The following PROK1 variants were observed in gnomAD, a reference collection of about 807,000 sequenced individuals.
PROK1 encodes prokineticin 1.
In PROK1, 10 loss-of-function variants were observed where a neutral mutation model predicts 8.8. The ratio of observed to expected loss-of-function variants is 1.13; its 90% CI spans 0.70 to 1.92. The LOEUF is 1.92. Among genes scored for constraint, PROK1 ranks in the 30% most tolerant of loss-of-function variants. The pLI, the probability that PROK1 is intolerant of heterozygous loss-of-function variation, is 0.00. For missense variants in PROK1, 140 were observed against 139.7 expected, an observed-to-expected ratio of 1.00 and a Z score of -0.01; for synonymous variants, 57 against 56.0, an observed-to-expected ratio of 1.02 and a Z score of -0.08.
Position 110,457,164 on chromosome 1 carries a change from C to T in PROK1, c.*813C>T, listed in dbSNP as rs1664185966. 1 of 152,664 alleles carries T rather than the reference C, an allele frequency of 6.6e-6. No individual in the cohort carries two copies. The allele number at this position is 152,664 out of a possible 1,614,324, so 9.5% of individuals were successfully genotyped here. On this transcript the variant is annotated 3_prime_UTR_variant, in exon 3 of 3. Transcript: ENST00000271331. ...ATATTAGAAGGCAATTAGGGTGTTT[C>T]CTTAAACAACTCCTTTCCAAGGATC...
At position 110,451,224 on chromosome 1, in the gene PROK1, G is replaced by C; in HGVS notation, c.8G>C (p.Gly3Ala). Residue 3 changes from glycine to alanine, a missense_variant, in exon 1 of 3, where the codon GGT (glycine) becomes GCT (alanine). Coordinates refer to ENST00000271331, the MANE Select transcript of PROK1 (RefSeq NM_032414.3). MR[G>A]ATRVSIMLLL... ...CCTTCACCCCAAGTGACCATGAGAGGTGCCACGCGAGTCTCAATCATGCTC... is the reference window on the plus strand; with the variant it reads ...CCTTCACCCCAAGTGACCATGAGAGCTGCCACGCGAGTCTCAATCATGCTC... 1 of 1,614,146 alleles carries C rather than the reference G, an allele frequency of 6.2e-7. No individual in the cohort carries two copies.
intron 2 of PROK1, among the ~76,000 whole-genome samples, chr1:110,455,152 T>G (rs530147735): frequency 1.3e-5 from 2 of 152,210 alleles, no homozygotes; most frequent in African/African-American, 2.4e-5. Flanking sequence ...TAGTCTGACA[T>G]TGACATATTA....
At chr1:110,452,522 C>G (rs1258422305) in intron 1 of PROK1, among the ~76,000 whole-genome samples, 2 of 152,244 alleles carry the variant, frequency 1.3e-5, no homozygotes, top group Non-Finnish European at 1.5e-5. Context: ...CTTGCCTCAC[C>G]ACCCGTGCCA....
At chr1:110,452,095 G>T (rs894225545) in intron 1 of PROK1, among the ~76,000 whole-genome samples, 1 of 152,216 alleles carries the variant, frequency 6.6e-6, no homozygotes, top group South Asian at 2.1e-4. Flanking sequence ...CTGTACCTGA[G>T]AGCTTTCCAT....
At chr1:110,454,909 A>C (rs1664147703) in intron 2 of PROK1, among the ~76,000 whole-genome samples, 1 of 152,190 alleles carries the variant, frequency 6.6e-6, no homozygotes, top group African/African-American at 2.4e-5. Context: ...GCCTACAGTG[A>C]GGCAAGTGAG....
chr1:110,454,671 G>A (rs1006713980), intron 2 of PROK1, among the ~76,000 whole-genome samples: 19 of 152,218 alleles, frequency 1.2e-4, no homozygotes, highest in Non-Finnish European at 2.5e-4. Context: ...TGTTAAACAA[G>A]CTGGGCATTC....
chr1:110,453,971 G>T lies in PROK1; in HGVS notation c.83G>T (p.Arg28Leu). 1 of 1,614,234 alleles carries T rather than the reference G, an allele frequency of 6.2e-7. No individual in the cohort carries two copies. The highest frequency in any genetic ancestry group is 1.3e-5 in the African/African-American group (1 of 75,072). ...CTCTCCCTCCTACAGGCCTGTGAGC[G>T]GGATGTCCAGTGTGGGGCAGGCACC... ...DCAVITGACE[R>L]DVQCGAGTCC... Residue 28 changes from arginine to leucine, a missense_variant, in exon 2 of 3, where the codon CGG becomes CTG. By Grantham distance (102) the Arg-to-Leu change is moderately radical (BLOSUM62 -2). Transcript: ENST00000271331.
intron 2 of PROK1, among the ~76,000 whole-genome samples, chr1:110,455,689 G>A (rs1367804869): frequency 1.3e-5 from 2 of 152,214 alleles, no homozygotes; most frequent in Non-Finnish European, 2.9e-5. Context: ...GGCACAGAGA[G>A]GCCAAATGAT....
rs759160619 is a variant in PROK1 at position 110,454,091 on chromosome 1, T to C, written c.198+5T>C. ...TGCCACCCCGGCAGCCACAAGGTAC[T>C]CTGCAGACACTGCATAGGTGCACAT... is the stretch of plus-strand genomic sequence containing the variant. On this transcript the variant is annotated splice_donor_5th_base_variant and intron_variant, in intron 2 of 2. Transcript: ENST00000271331. The C allele has an allele frequency of 1.3e-5, 21 of 1,613,256 alleles. No individual in the cohort carries two copies. In the South Asian group the frequency reaches 2.0e-4, roughly 15 times the overall value.
Position 110,456,654 on chromosome 1 carries a change from TC to T in PROK1, c.*307del. On this transcript the variant is annotated 3_prime_UTR_variant, in exon 3 of 3. Coordinates refer to ENST00000271331, the MANE Select transcript of PROK1 (RefSeq NM_032414.3). ...GGCAGAAAGGACATTCCCCCTCCCC[TC>T]CCCAGGTGACCTGCTCTCTTTCCTG... 2.4e-6 allele frequency: 1 copy of T among 414,638 alleles called. No individual in the cohort carries two copies. The highest frequency in any genetic ancestry group is 4.6e-6 in the Non-Finnish European group (1 of 219,416). 25.7% of individuals were successfully genotyped at this position (414,638 alleles called of 1,614,324 possible).
intron 1 of PROK1, among the ~76,000 whole-genome samples, chr1:110,451,692 T>C (rs1003010829): frequency 6.2e-4 from 94 of 152,226 alleles, no homozygotes; most frequent in Admixed American, 3.1e-3. Context: ...ATATTAATAT[T>C]AATTTACATA....
chr1:110,451,390 C>T (rs1664088006), intron 1 of PROK1, 102 bp downstream of exon 1: 4 of 996,686 alleles, frequency 4.0e-6, no homozygotes, highest in Non-Finnish European at 4.8e-6. Context: ...GTTGGCTCAA[C>T]ACAGTGTGAA....
chr1:110,451,794 A>C (rs967585289), intron 1 of PROK1, among the ~76,000 whole-genome samples: 3 of 152,188 alleles, frequency 2.0e-5, no homozygotes, highest in Admixed American at 6.5e-5. Flanking sequence ...CTTAGAAAGG[A>C]TATCTTTGAA....
At chr1:110,451,333 T>G (rs977156984) in intron 1 of PROK1, 45 bp downstream of exon 1, 3 of 1,562,058 alleles carry the variant, frequency 1.9e-6, no homozygotes, top group African/African-American at 2.7e-5. Context: ...TGGGAAGATG[T>G]CAGGGTCTGC....
At chr1:110,452,621 CA>C (rs1448868537) in intron 1 of PROK1, among the ~76,000 whole-genome samples, 1 of 152,180 alleles carries the variant, frequency 6.6e-6, no homozygotes, top group African/African-American at 2.4e-5. Flanking sequence ...CAATAGAGAG[CA>C]CTTTTCCCTA....
intron 2 of PROK1, 131 bp downstream of exon 2, chr1:110,454,217 CTGTGG>C: frequency 8.0e-7 from 1 of 1,246,834 alleles, no homozygotes; most frequent in Non-Finnish European, 1.1e-6. Flanking sequence ...TCTAGGGAGG[CTGTGG>C]CTCCAGAGGA....
chr1:110,455,811 A>G (rs1436130342), intron 2 of PROK1, among the ~76,000 whole-genome samples: 1 of 151,770 alleles, frequency 6.6e-6, no homozygotes, highest in African/African-American at 2.4e-5. Context: ...TTGGTTTAGC[A>G]CTCCTCTAGG....
chr1:110,451,157 G>A lies in PROK1; in HGVS notation c.-60G>A. ...TCCCCAGCTTGCCAGGCACAAGGCT[G>A]AGCGGGAGGAAGCGAGAGGCATCTA... On this transcript the variant is annotated 5_prime_UTR_variant, in exon 1 of 3. Transcript: ENST00000271331. The A allele has an allele frequency of 6.5e-7, 1 of 1,534,592 alleles. No individual in the cohort carries two copies. The highest frequency in any genetic ancestry group is 1.4e-5 in the African/African-American group (1 of 73,336).
rs1253340860 is a variant in PROK1, at chr1:110,456,791, C to T, written c.*440C>T. ...CAGGTCCTGGCCTGACCCTCAGGCC[C>T]TTCACGTGAGGTCTGTGAGGACCAA... On this transcript the variant is annotated 3_prime_UTR_variant, in exon 3 of 3. Transcript: ENST00000271331. 4.3e-5 allele frequency: 12 copies of T among 280,522 alleles called. No homozygotes were observed. The highest frequency in any genetic ancestry group is 8.7e-5 in the East Asian group (1 of 11,488). The allele number at this position is 280,522 out of a possible 1,614,324, so 17.4% of individuals were successfully genotyped here. A position where few individuals can be genotyped will look rare whatever the true frequency, so the allele number is the denominator to read the frequency against.
Sources: gnomAD v4.1 joint callset for allele counts (sites outside exome capture counted in the v4.1 genomes callset) on GRCh38, gnomAD v4.1.1 for gene constraint, MANE v1.5 for transcripts, NCBI Gene and HGNC (gene_info 2026-07-23, HGNC 2026-07-21) for gene names.